Variants in PHF14 observed in about 807,000 individuals in gnomAD.
PHF14 encodes PHD finger protein 14.
A neutral mutation model predicts 117.9 loss-of-function variants in PHF14; 55 were observed. The ratio of observed to expected loss-of-function variants is 0.47; its 90% CI spans 0.38 to 0.58. The LOEUF (loss-of-function observed/expected upper bound fraction) is 0.58, where lower values mean the gene tolerates loss of function less well. Among genes scored for constraint, PHF14 ranks in the 20% least tolerant of loss-of-function variants. The probability of loss-of-function intolerance (pLI) is 0.00; values close to 1 mark genes in which losing one functional copy is unlikely to be tolerated. For synonymous variants in PHF14, 409 were observed against 368.6 expected, an observed-to-expected ratio of 1.11 and a Z score of -1.26; for missense variants, 978 against 1,122.2, an observed-to-expected ratio of 0.87 and a Z score of 1.84.
At chr7:11,128,261 G>T (rs1185987811) in intron 17 of PHF14, among the ~76,000 whole-genome samples, 1 of 151,858 alleles carries the variant, frequency 6.6e-6, no homozygotes, top group Non-Finnish European at 1.5e-5. Context: ...ATGCATCAAG[G>T]CTTCAGTTTT....
At chr7:10,975,787 A>C (rs1781842847) in intron 2 of PHF14, among the ~76,000 whole-genome samples, 1 of 152,210 alleles carries the variant, frequency 6.6e-6, no homozygotes, top group Non-Finnish European at 1.5e-5. Context: ...AAGCCTTTCC[A>C]GTTTCATCTC....
At chr7:11,098,843 T>G (rs1176690325) in intron 16 of PHF14, among the ~76,000 whole-genome samples, 3 of 152,174 alleles carry the variant, frequency 2.0e-5, no homozygotes, top group African/African-American at 7.2e-5. Flanking sequence ...GAATGTTTCC[T>G]TTTTGCCTTA....
chr7:11,077,887 T>G (rs1450192761), intron 16 of PHF14, among the ~76,000 whole-genome samples: 1 of 152,166 alleles, frequency 6.6e-6, no homozygotes, highest in Non-Finnish European at 1.5e-5. Flanking sequence ...AAATGTCAGT[T>G]TGTTCCTCAG....
chr7:11,103,459 T>C, intron 16 of PHF14: 1 of 982,668 alleles, frequency 1.0e-6, no homozygotes, highest in African/African-American at 1.7e-5. Context: ...TCCAGAGGTA[T>C]ACAGAATTAA....
At chr7:11,103,408 C>T (rs1173428288) in intron 16 of PHF14, 1 of 981,084 alleles carries the variant, frequency 1.0e-6, no homozygotes, top group African/African-American at 1.8e-5. Flanking sequence ...ACTATACAAC[C>T]TACCAGCTGA....
intron 3 of PHF14, among the ~76,000 whole-genome samples, chr7:10,989,815 G>C (rs543597514): frequency 6.6e-6 from 1 of 152,090 alleles, no homozygotes; most frequent in Non-Finnish European, 1.5e-5. Context: ...ATATTTTGTA[G>C]AGACAGGATC....
chr7:10,992,620 G>T (rs928116520), intron 4 of PHF14, among the ~76,000 whole-genome samples: 55 of 151,978 alleles, frequency 3.6e-4, no homozygotes, highest in Admixed American at 2.0e-4. Flanking sequence ...CCGAGATGGT[G>T]CCACTGTACT....
chr7:11,159,430 G>A (rs1204164746), intron 17 of PHF14, among the ~76,000 whole-genome samples: 1 of 151,842 alleles, frequency 6.6e-6, no homozygotes, highest in Non-Finnish European at 1.5e-5. Flanking sequence ...TTATTGTGAT[G>A]TCAATTAAAT....
At chr7:11,150,276 G>C (rs560142840) in intron 17 of PHF14, among the ~76,000 whole-genome samples, 2 of 152,132 alleles carry the variant, frequency 1.3e-5, no homozygotes, top group African/African-American at 4.8e-5. Context: ...TATAGTTATG[G>C]TTATTGTTGT....
chr7:10,994,819 A>G lies in PHF14; in HGVS notation c.1045+3972A>G, dbSNP rs145989196. ...ACCTTCGCGGTGAGTGTTACAGCTC[A>G]TAAAGGCAGCGCGTACCCGAAGAGT... On this transcript the variant is annotated intron_variant, in intron 4 of 17. Coordinates refer to ENST00000634607, the MANE Select transcript of PHF14 (RefSeq NM_001007157.2). Among the ~76,000 whole-genome samples, 788 of 152,294 alleles carry G rather than the reference A, an allele frequency of 5.2e-3. 4 individuals are homozygous for G. The highest frequency in any genetic ancestry group is 0.031 in the Middle Eastern group (9 of 294).
chr7:11,008,404 G>T (rs1270967323), intron 4 of PHF14, among the ~76,000 whole-genome samples: 1 of 152,164 alleles, frequency 6.6e-6, no homozygotes, highest in Non-Finnish European at 1.5e-5. Flanking sequence ...CTCACAGCAG[G>T]GGGTGAGCGG....
chr7:11,124,873 G>A (rs1019748123), intron 17 of PHF14, among the ~76,000 whole-genome samples: 8 of 151,918 alleles, frequency 5.3e-5, no homozygotes, highest in South Asian at 2.1e-4. Flanking sequence ...ACTTCTAATC[G>A]GAAAGGGAAA....
intron 16 of PHF14, among the ~76,000 whole-genome samples, chr7:11,076,050 A>G (rs1160592066): frequency 6.6e-6 from 1 of 152,114 alleles, no homozygotes; most frequent in Non-Finnish European, 1.5e-5. Context: ...GAGGCAGGAG[A>G]ATGGTGTGAA....
chr7:11,063,637 G>C, intron 16 of PHF14: 3 of 974,334 alleles, frequency 3.1e-6, no homozygotes, highest in Non-Finnish European at 3.7e-6. Context: ...CCTTTTTGCT[G>C]TAGGACTTAG....
chr7:11,100,140 G>A (rs765198778), intron 16 of PHF14, among the ~76,000 whole-genome samples: 2 of 151,674 alleles, frequency 1.3e-5, no homozygotes, highest in African/African-American at 4.8e-5. Context: ...CTGTATCAAG[G>A]TTTTCATTTG....
At chr7:10,983,267 C>T (rs375633106) in intron 3 of PHF14, 108 bp downstream of exon 3, 25 of 1,274,082 alleles carry the variant, frequency 2.0e-5, no homozygotes, top group Admixed American at 4.9e-5. Flanking sequence ...TATTTATAGA[C>T]GGCTGTGGGA....
At chr7:11,106,807 C>G in intron 16 of PHF14, 12 of 984,372 alleles carry the variant, frequency 1.2e-5, no homozygotes, top group Non-Finnish European at 1.4e-5. Context: ...CCCATCAGTT[C>G]TCTGGATATT....
chr7:11,083,462 C>CTTTT (rs1367240466), intron 16 of PHF14, among the ~76,000 whole-genome samples: 6 of 110,592 alleles, frequency 5.4e-5, no homozygotes, highest in African/African-American at 2.4e-4. Context: ...TCTGCTTTCC[C>CTTTT]TATTTTTTTT....
chr7:11,116,584 C>T (rs1343327268), intron 17 of PHF14, among the ~76,000 whole-genome samples: 1 of 151,940 alleles, frequency 6.6e-6, no homozygotes. Flanking sequence ...TCATTACTCT[C>T]CTGATATGAA....
Sources: gnomAD v4.1 joint callset for allele counts (sites outside exome capture counted in the v4.1 genomes callset) on GRCh38, gnomAD v4.1.1 for gene constraint, MANE v1.5 for transcripts, NCBI Gene and HGNC (gene_info 2026-07-23, HGNC 2026-07-21) for gene names.